Variants in NCAM1 observed in about 807,000 individuals in gnomAD.
NCAM1 encodes the protein neural cell adhesion molecule 1, also known as antigen recognized by monoclonal antibody 5.1H11.
NCAM1 carries 14 observed loss-of-function variants against 109.8 expected under a neutral mutation model. The ratio of observed to expected loss-of-function variants is 0.13; its 90% CI spans 0.08 to 0.20. The LOEUF (loss-of-function observed/expected upper bound fraction) is 0.20, where lower values mean the gene tolerates loss of function less well. Ranked by LOEUF, NCAM1 falls within the 10% of genes least tolerant of loss-of-function variation. The probability of loss-of-function intolerance (pLI) is 1.00; values close to 1 mark genes in which losing one functional copy is unlikely to be tolerated. For synonymous variants in NCAM1, 418 were observed against 442.9 expected, an observed-to-expected ratio of 0.94 and a Z score of 0.70; for missense variants, 774 against 1,109.9, an observed-to-expected ratio of 0.70 and a Z score of 4.30.
chr11:113,129,987 A>G (rs1941326168), intron 1 of NCAM1, among the ~76,000 whole-genome samples: 1 of 152,196 alleles, frequency 6.6e-6, no homozygotes, highest in Non-Finnish European at 1.5e-5. Flanking sequence ...TAACAGCACT[A>G]ACAGCACTTA....
chr11:113,252,405 C>CAAA (rs58848352), intron 15 of NCAM1, among the ~76,000 whole-genome samples: 259 of 84,734 alleles, frequency 3.1e-3, no homozygotes, highest in Non-Finnish European at 5.6e-3. Context: ...GACCCTGTCT[C>CAAA]AAAAAAAAAA....
In NCAM1 at chr11:112,961,494, C is replaced by G. The variant is rs782055550; in HGVS notation, c.-119C>G. 2.5e-6 allele frequency: 2 copies of G among 799,134 alleles called. No individual in the cohort carries two copies. Among genetic ancestry groups the G allele is most frequent in the East Asian group, 2.4e-5 (1 of 41,282 alleles). 49.5% of individuals were successfully genotyped at this position (799,134 alleles called of 1,614,324 possible). On this transcript the variant is annotated 5_prime_UTR_variant, in exon 1 of 20. Coordinates refer to ENST00000316851, the MANE Select transcript of NCAM1 (RefSeq NM_181351.5). ...AAACAATTCTGCAAAAATAATCATACTCAGCCTGGCAATTGTCTGCCCCTA... is the reference window on the plus strand; with the variant it reads ...AAACAATTCTGCAAAAATAATCATAGTCAGCCTGGCAATTGTCTGCCCCTA...
chr11:113,261,321 TG>T (rs1945991240), intron 17 of NCAM1, among the ~76,000 whole-genome samples: 2 of 151,906 alleles, frequency 1.3e-5, no homozygotes, highest in African/African-American at 4.8e-5. Flanking sequence ...TGTGCAAAAA[TG>T]GGCTAGGAGA....
At chr11:113,234,698 C>G (rs752832303) in intron 13 of NCAM1, among the ~76,000 whole-genome samples, 1 of 152,240 alleles carries the variant, frequency 6.6e-6, no homozygotes, top group Non-Finnish European at 1.5e-5. Flanking sequence ...ATTCATCAGT[C>G]AGTGGTCATT....
At position 113,182,302 on chromosome 11, in the gene NCAM1, C is replaced by T. The variant is rs782554681; in HGVS notation, c.53-20077C>T. Among the ~76,000 whole-genome samples, 21 of 152,164 alleles carry T rather than the reference C, an allele frequency of 1.4e-4. 1 individual carries two copies. Among genetic ancestry groups the T allele is most frequent in the Non-Finnish European group, 2.5e-4 (17 of 68,030 alleles). On this transcript the variant is annotated intron_variant, in intron 1 of 19. Transcript: ENST00000316851. ...CGACTGGTAATGCATTACAAAAGCA[C>T]ACCAGGGCCAGCTTGTAGAGTTCTT...
intron 1 of NCAM1, among the ~76,000 whole-genome samples, chr11:113,164,294 A>G (rs1555104891): frequency 6.6e-6 from 1 of 152,190 alleles, no homozygotes; most frequent in East Asian, 1.9e-4. Flanking sequence ...CACTTCTGAC[A>G]TGAGATGTTG....
chr11:112,976,506 G>A (rs929217484), intron 1 of NCAM1, among the ~76,000 whole-genome samples: 1 of 151,946 alleles, frequency 6.6e-6, no homozygotes. Flanking sequence ...TTGGTTGTAT[G>A]TCTGCGGCTG....
rs1368306948 is a variant in NCAM1 at position 113,165,986 on chromosome 11, A to AT, written c.53-36383dup. On this transcript the variant is annotated intron_variant, in intron 1 of 19. Transcript: ENST00000316851. ...AGGCGCCTACCACCATGCCCGGCTA[A>AT]TTTTTTTTTTATTTTTACTTATTTT... Among the ~76,000 whole-genome samples, 355 of 145,098 alleles carry AT rather than the reference A, an allele frequency of 2.4e-3. 8 individuals are homozygous for AT. In the East Asian group the frequency reaches 0.054, roughly 22 times the overall value.
chr11:112,994,862 T>C (rs1421468561), intron 1 of NCAM1, among the ~76,000 whole-genome samples: 1 of 152,178 alleles, frequency 6.6e-6, no homozygotes, highest in Non-Finnish European at 1.5e-5. Context: ...TCAATGGTTC[T>C]TCTTCCATTC....
rs966071875 is a variant in NCAM1, at chr11:113,123,881, G to A, written c.53-78498G>A. Reference sequence around the variant, plus strand: ...AGACCCACTGGTGCTTGGGAAGCTCGCTCATCCTAGCCTTTGCTAGATGGT... The same window carrying A: ...AGACCCACTGGTGCTTGGGAAGCTCACTCATCCTAGCCTTTGCTAGATGGT... On this transcript the variant is annotated intron_variant, in intron 1 of 19. Coordinates refer to ENST00000316851, the MANE Select transcript of NCAM1 (RefSeq NM_181351.5). 2.6e-5 allele frequency among the ~76,000 whole-genome samples: 4 copies of A among 152,202 alleles called. No individual in the cohort carries two copies. The East Asian group carries it at 7.8e-4, about 30-fold the overall frequency.
chr11:113,040,617 C>G (rs1196629420), intron 1 of NCAM1, among the ~76,000 whole-genome samples: 1 of 152,152 alleles, frequency 6.6e-6, no homozygotes, highest in African/African-American at 2.4e-5. Flanking sequence ...ACATTGCTCT[C>G]TCATAGAAAT....
At chr11:113,200,020 G>C (rs1944002203) in intron 1 of NCAM1, among the ~76,000 whole-genome samples, 1 of 152,106 alleles carries the variant, frequency 6.6e-6, no homozygotes, top group Non-Finnish European at 1.5e-5. Flanking sequence ...TGTTCTGTTT[G>C]AAAAGAGCTG....
intron 1 of NCAM1, among the ~76,000 whole-genome samples, chr11:112,987,853 T>G (rs978095803): frequency 5.9e-5 from 9 of 152,154 alleles, no homozygotes; most frequent in African/African-American, 2.2e-4. Flanking sequence ...TCAACCACTT[T>G]ATATCTTTTG....
chr11:112,969,791 CA>C (rs1555066433), intron 1 of NCAM1, among the ~76,000 whole-genome samples: 6 of 152,232 alleles, frequency 3.9e-5, no homozygotes, highest in Middle Eastern at 3.4e-3. Context: ...AGAGGAAAAA[CA>C]AAATAAATTT....
chr11:113,000,942 A>G (rs1486315881), intron 1 of NCAM1, among the ~76,000 whole-genome samples: 2 of 151,554 alleles, frequency 1.3e-5, no homozygotes, highest in African/African-American at 4.9e-5. Context: ...TCTCTACAGG[A>G]TATAGGCACT....
At chr11:113,059,753 G>A (rs1953852763) in intron 1 of NCAM1, among the ~76,000 whole-genome samples, 1 of 152,180 alleles carries the variant, frequency 6.6e-6, no homozygotes, top group South Asian at 2.1e-4. Flanking sequence ...CATTGCACAA[G>A]AGCATGTGAG....
chr11:113,113,224 T>C (rs1940525507), intron 1 of NCAM1, among the ~76,000 whole-genome samples: 1 of 152,226 alleles, frequency 6.6e-6, no homozygotes, highest in Admixed American at 6.5e-5. Flanking sequence ...TCCTCTGACC[T>C]AGTAGAAAGG....
intron 16 of NCAM1, among the ~76,000 whole-genome samples, chr11:113,258,565 G>A (rs1395220298): frequency 1.3e-5 from 2 of 152,182 alleles, no homozygotes; most frequent in African/African-American, 2.4e-5. Flanking sequence ...GGAGAAATAC[G>A]GCCAAGTGTT....
intron 1 of NCAM1, among the ~76,000 whole-genome samples, chr11:113,039,420 G>C (rs1263245615): frequency 6.6e-6 from 1 of 152,192 alleles, no homozygotes; most frequent in Non-Finnish European, 1.5e-5. Flanking sequence ...TTTGATACCA[G>C]CAACTTACAC....
Sources: allele counts gnomAD v4.1 joint callset (sites outside exome capture counted in the v4.1 genomes callset), GRCh38; gene constraint gnomAD v4.1.1; transcripts MANE v1.5; gene names NCBI Gene and HGNC (gene_info 2026-07-23, HGNC 2026-07-21).